TOM1L1: variants seen among roughly 807,000 people sequenced by gnomAD.
The protein encoded by TOM1L1 is target of myb1 like 1 membrane trafficking protein.
TOM1L1 carries 64 observed loss-of-function variants against 63.4 expected under a neutral mutation model. That is an observed-to-expected ratio of 1.01 (90% CI 0.83 to 1.24). The LOEUF (loss-of-function observed/expected upper bound fraction) is 1.24, where lower values mean the gene tolerates loss of function less well. Among genes scored for constraint, TOM1L1 ranks in the 50% most tolerant of loss-of-function variants. The probability of loss-of-function intolerance (pLI) is 0.00; values close to 1 mark genes in which losing one functional copy is unlikely to be tolerated. For synonymous variants in TOM1L1, 166 were observed against 194.4 expected (o/e 0.85, Z 1.22); for missense variants, 536 against 567.0 (o/e 0.95, Z 0.55).
At chr17:54,903,913 C>A (rs1412940784) in intron 2 of TOM1L1, 121 bp downstream of exon 2, 2 of 791,286 alleles carry the variant, frequency 2.5e-6, no homozygotes, top group Non-Finnish European at 4.1e-6. Flanking sequence ...ATTCATTAGG[C>A]ACCCTCTATC....
intron 7 of TOM1L1, among the ~76,000 whole-genome samples, chr17:54,928,355 A>G (rs12952253): frequency 0.23 from 34,513 of 149,560 alleles, 4,500 homozygotes; most frequent in Non-Finnish European, 0.29. Flanking sequence ...TGTATTATAG[A>G]TGGAAAAAAA....
At chr17:54,905,632 C>A in intron 3 of TOM1L1, 65 bp downstream of exon 3, 1 of 1,067,846 alleles carries the variant, frequency 9.4e-7, no homozygotes. Context: ...ATTTTTAATC[C>A]TGGGTAAAAA....
chr17:54,937,283 C>G, intron 10 of TOM1L1, 57 bp downstream of exon 10: 3 of 1,319,068 alleles, frequency 2.3e-6, no homozygotes, highest in Non-Finnish European at 3.3e-6. Flanking sequence ...TTAAACAGTT[C>G]TCCTTAATTA....
chr17:54,939,119 A>G, intron 11 of TOM1L1, 99 bp downstream of exon 11: 1 of 789,462 alleles, frequency 1.3e-6, no homozygotes, highest in South Asian at 2.3e-5. Context: ...TACATCTGTA[A>G]TCCTAGCACT....
chr17:54,905,837 A>G (rs1233342193), intron 3 of TOM1L1, among the ~76,000 whole-genome samples: 1 of 152,198 alleles, frequency 6.6e-6, no homozygotes, highest in African/African-American at 2.4e-5. Flanking sequence ...GATAGGAATT[A>G]GTGGTTAACA....
Position 54,912,703 on chromosome 17 carries a change from T to C in TOM1L1, c.260T>C (p.Phe87Ser). ...TGTGTGCAGAACTGTGGTCCAAGTT[T>C]CCAGTCTCTGATTGTGAAGAAGGAA... ...DMCVQNCGPS[F>S]QSLIVKKEFV... Residue 87 changes from phenylalanine (F) to serine (S), a missense_variant, in exon 4 of 16, where the codon TTC becomes TCC. Transcript: ENST00000575882. 1 of 1,608,012 alleles carries C rather than the reference T, an allele frequency of 6.2e-7. No individual in the cohort carries two copies. The highest frequency in any genetic ancestry group is 8.5e-7 in the Non-Finnish European group (1 of 1,178,180).
intron 8 of TOM1L1, among the ~76,000 whole-genome samples, chr17:54,931,258 TTTTC>T (rs2048853578): frequency 6.6e-6 from 1 of 152,202 alleles, no homozygotes; most frequent in Non-Finnish European, 1.5e-5. Flanking sequence ...ATTTAAGTTT[TTTTC>T]TTTCTTATTT....
At chr17:54,912,456 T>G (rs2048511930) in intron 3 of TOM1L1, among the ~76,000 whole-genome samples, 1 of 152,208 alleles carries the variant, frequency 6.6e-6, no homozygotes, top group African/African-American at 2.4e-5. Context: ...CTGGGACTCC[T>G]CAATAAGTCT....
At chr17:54,947,823 CT>C (rs2049144871) in intron 12 of TOM1L1, among the ~76,000 whole-genome samples, 1 of 152,162 alleles carries the variant, frequency 6.6e-6, no homozygotes, top group South Asian at 2.1e-4. Flanking sequence ...CCTCTGTGGT[CT>C]TTTGGTCTCA....
intron 14 of TOM1L1, chr17:54,953,855 G>T (rs956670486): frequency 1.3e-5 from 2 of 152,210 alleles, no homozygotes; most frequent in Non-Finnish European, 2.9e-5. Context: ...GAGAGATGAA[G>T]TGAGATTAAA....
At chr17:54,928,430 A>G (rs1461532559) in intron 7 of TOM1L1, among the ~76,000 whole-genome samples, 1 of 152,122 alleles carries the variant, frequency 6.6e-6, no homozygotes, top group East Asian at 1.9e-4. Flanking sequence ...CATTTCCCCA[A>G]CTTCCATAGC....
At chr17:54,937,263 G>A in intron 10 of TOM1L1, 37 bp downstream of exon 10, 1 of 1,464,214 alleles carries the variant, frequency 6.8e-7, no homozygotes, top group Non-Finnish European at 9.6e-7. Context: ...ACCAGCAGAA[G>A]AGCTTGATGT....
At chr17:54,954,079 G>C (rs902982199) in intron 14 of TOM1L1, 6 of 152,090 alleles carry the variant, frequency 3.9e-5, no homozygotes, top group African/African-American at 1.4e-4. Context: ...TGTTATCACT[G>C]GGGTCCCAGT....
Position 54,939,037 on chromosome 17 carries a change from C to T in TOM1L1, c.1130+17C>T. 6.9e-7 allele frequency: 1 copy of T among 1,439,468 alleles called. No homozygotes were observed. Among genetic ancestry groups the T allele is most frequent in the Non-Finnish European group, 9.7e-7 (1 of 1,030,354 alleles). The allele number at this position is 1,439,468 out of a possible 1,614,324, so 89.2% of individuals were successfully genotyped here. Reference sequence around the variant, plus strand: ...GATACCCCCGTAAGTATGTCAGTAACACTGCAGAACTAATATCATGACATT... The same window carrying T: ...GATACCCCCGTAAGTATGTCAGTAATACTGCAGAACTAATATCATGACATT... On this transcript the variant is annotated intron_variant, in intron 11 of 15. Transcript: ENST00000575882.
chr17:54,901,084 C>T (rs571626119), intron 1 of TOM1L1, 161 bp downstream of exon 1: 3 of 954,312 alleles, frequency 3.1e-6, no homozygotes, highest in East Asian at 2.6e-5. Context: ...CCACCCGGCC[C>T]CCTTTCGTCG....
In TOM1L1 at chr17:54,937,426, G is replaced by C. The variant is rs149952407; in HGVS notation, c.1033+200G>C. 22 of 549,618 alleles carry C rather than the reference G, an allele frequency of 4.0e-5. No homozygotes were observed. In the East Asian group the frequency reaches 6.7e-4, roughly 17 times the overall value. 34.0% of individuals were successfully genotyped at this position (549,618 alleles called of 1,614,324 possible). A position where few individuals can be genotyped will look rare whatever the true frequency, so the allele number is the denominator to read the frequency against. On this transcript the variant is annotated intron_variant, in intron 10 of 15. Transcript: ENST00000575882. ...GCAATGGGATGTGTCTGGGCGAGGA[G>C]GTCCTTGAAACTCATCCTACTCACT...
At chr17:54,913,182 C>CA (rs1242787055) in intron 4 of TOM1L1, among the ~76,000 whole-genome samples, 1 of 152,000 alleles carries the variant, frequency 6.6e-6, no homozygotes, top group Non-Finnish European at 1.5e-5. Context: ...TTCAGAGCAG[C>CA]AAAAAACAAT....
intron 14 of TOM1L1, chr17:54,958,363 A>G (rs889628836): frequency 6.6e-6 from 1 of 152,242 alleles, no homozygotes; most frequent in Admixed American, 6.5e-5. Flanking sequence ...GTGCATTTGA[A>G]AAGCACATGA....
chr17:54,956,907 G>C (rs1156847634), intron 14 of TOM1L1: 2 of 152,252 alleles, frequency 1.3e-5, no homozygotes, highest in African/African-American at 4.8e-5. Context: ...GATGCAGTGA[G>C]TCGTTATTTC....
Sources: allele counts gnomAD v4.1 joint callset (sites outside exome capture counted in the v4.1 genomes callset), GRCh38; gene constraint gnomAD v4.1.1; transcripts MANE v1.5; gene names NCBI Gene and HGNC (gene_info 2026-07-23, HGNC 2026-07-21).